The following PDE7B variants were observed in gnomAD, a reference collection of about 807,000 sequenced individuals.
PDE7B encodes 3',5'-cyclic-AMP phosphodiesterase 7B.
A neutral mutation model predicts 56.2 loss-of-function variants in PDE7B; 29 were observed. That is an observed-to-expected ratio of 0.52 (90% confidence interval 0.38 to 0.70). The LOEUF is 0.70. Among genes scored for constraint, PDE7B ranks in the 30% least tolerant of loss-of-function variants. PDE7B has a pLI of 0.00. For missense variants in PDE7B, 490 were observed against 565.0 expected, an observed-to-expected ratio of 0.87 and a Z score of 1.35; for synonymous variants, 197 against 196.9, an observed-to-expected ratio of 1.00 and a Z score of 0.00.
chr6:136,071,984 A>G (rs1777056438), intron 2 of PDE7B, among the ~76,000 whole-genome samples: 1 of 152,216 alleles, frequency 6.6e-6, no homozygotes. Context: ...ATTATGTTTT[A>G]AGAATTAAAT....
At chr6:135,925,828 T>G (rs79194589) in intron 1 of PDE7B, among the ~76,000 whole-genome samples, 113 of 152,304 alleles carry the variant, frequency 7.4e-4, no homozygotes, top group Non-Finnish European at 1.3e-3. Context: ...TTCCCTGATA[T>G]TCATTTTACA....
chr6:136,187,747 G>T (rs1010223539), intron 12 of PDE7B, among the ~76,000 whole-genome samples: 2 of 152,186 alleles, frequency 1.3e-5, no homozygotes, highest in African/African-American at 4.8e-5. Context: ...ATTAGACCAA[G>T]AAGCAAATCA....
intron 1 of PDE7B, among the ~76,000 whole-genome samples, chr6:135,906,810 G>GTTTTTTTTTTTTTTTTTTTTTGT (rs1776114260): frequency 8.4e-5 from 5 of 59,540 alleles, no homozygotes; most frequent in African/African-American, 3.5e-4. Context: ...AATGAGGTTT[G>GTTTTTTTTTTTTTTTTTTTTTGT]TTTTTTTTTT....
chr6:135,895,938 C>G (rs1775894408), intron 1 of PDE7B, among the ~76,000 whole-genome samples: 1 of 152,270 alleles, frequency 6.6e-6, no homozygotes, highest in South Asian at 2.1e-4. Context: ...AAATCTGCCC[C>G]AAGGGTTCCT....
intron 3 of PDE7B, among the ~76,000 whole-genome samples, chr6:136,110,445 C>T (rs183711821): frequency 3.3e-5 from 5 of 152,290 alleles, no homozygotes; most frequent in Non-Finnish European, 7.4e-5. Flanking sequence ...GACCAGAACG[C>T]TCCAACGGCA....
intron 2 of PDE7B, among the ~76,000 whole-genome samples, chr6:135,973,159 A>T (rs1408765241): frequency 2.6e-5 from 4 of 151,052 alleles, no homozygotes; most frequent in Admixed American, 2.6e-4. Flanking sequence ...CATGGAAACC[A>T]CCGGTATTCT....
intron 1 of PDE7B, among the ~76,000 whole-genome samples, chr6:135,893,780 T>C (rs992157807): frequency 2.6e-5 from 4 of 152,210 alleles, no homozygotes; most frequent in Non-Finnish European, 5.9e-5. Context: ...TCTGAATTGA[T>C]AATCACTTAT....
chr6:135,985,123 G>A (rs930105743), intron 2 of PDE7B, among the ~76,000 whole-genome samples: 1 of 152,144 alleles, frequency 6.6e-6, no homozygotes, highest in Admixed American at 6.5e-5. Context: ...TACACTTTAT[G>A]TTTGCATTTC....
intron 2 of PDE7B, among the ~76,000 whole-genome samples, chr6:136,032,577 A>G (rs1249132796): frequency 6.6e-6 from 1 of 152,192 alleles, no homozygotes; most frequent in Non-Finnish European, 1.5e-5. Context: ...CCAGTACCCT[A>G]TATCCAACAG....
chr6:135,857,754 T>C (rs1775063673), intron 1 of PDE7B, among the ~76,000 whole-genome samples: 1 of 152,182 alleles, frequency 6.6e-6, no homozygotes, highest in African/African-American at 2.4e-5. Context: ...TAGAACACCA[T>C]ACAGTCATGT....
intron 9 of PDE7B, among the ~76,000 whole-genome samples, chr6:136,177,765 C>T (rs913365138): frequency 6.6e-6 from 1 of 152,010 alleles, no homozygotes; most frequent in Non-Finnish European, 1.5e-5. Context: ...ATTGCATTCC[C>T]AAATATAGAC....
chr6:135,882,176 T>G (rs1014876793), intron 1 of PDE7B, among the ~76,000 whole-genome samples: 4 of 152,252 alleles, frequency 2.6e-5, no homozygotes, highest in Non-Finnish European at 4.4e-5. Context: ...ATAAAATTTG[T>G]GGTGAATTTT....
chr6:135,923,996 A>T (rs576118731), intron 1 of PDE7B, among the ~76,000 whole-genome samples: 1 of 152,348 alleles, frequency 6.6e-6, no homozygotes, highest in South Asian at 2.1e-4. Flanking sequence ...TAATGAAAGC[A>T]ATAATAAATA....
intron 3 of PDE7B, among the ~76,000 whole-genome samples, chr6:136,140,561 A>G (rs186215498): frequency 1.1e-4 from 16 of 152,300 alleles, no homozygotes; most frequent in Admixed American, 7.2e-4. Flanking sequence ...TTACCTTGGC[A>G]GTATGGCCAT....
At chr6:135,864,172 A>G (rs1775207131) in intron 1 of PDE7B, among the ~76,000 whole-genome samples, 1 of 152,152 alleles carries the variant, frequency 6.6e-6, no homozygotes, top group Non-Finnish European at 1.5e-5. Context: ...AGCATAATGC[A>G]TATTAGTACT....
chr6:135,906,814 T>TTTTTTTTTTTTTTTTTTTG (rs1562434071), intron 1 of PDE7B, among the ~76,000 whole-genome samples: 9 of 134,504 alleles, frequency 6.7e-5, no homozygotes, highest in African/African-American at 2.0e-4. Context: ...AGGTTTGTTT[T>TTTTTTTTTTTTTTTTTTTG]TTTTTTTTTT....
chr6:135,932,383 A>G (rs1315704556), intron 1 of PDE7B, among the ~76,000 whole-genome samples: 3 of 152,122 alleles, frequency 2.0e-5, no homozygotes, highest in African/African-American at 7.2e-5. Flanking sequence ...CTTATTTCAC[A>G]TGGCATGCCG....
intron 2 of PDE7B, among the ~76,000 whole-genome samples, chr6:136,036,541 TA>T (rs921254490): frequency 4.0e-4 from 61 of 152,288 alleles, no homozygotes; most frequent in African/African-American, 1.4e-3. Context: ...AGAGAAATAA[TA>T]AAACAACAAT....
intron 2 of PDE7B, among the ~76,000 whole-genome samples, chr6:136,050,877 C>G (rs1349502769): frequency 6.6e-6 from 1 of 152,210 alleles, no homozygotes. Context: ...ATTTTTCCTC[C>G]TTTATCCTCT....
Sources: allele counts gnomAD v4.1 joint callset (sites outside exome capture counted in the v4.1 genomes callset), GRCh38; gene constraint gnomAD v4.1.1; transcripts MANE v1.5; gene names NCBI Gene and HGNC (gene_info 2026-07-23, HGNC 2026-07-21).